Variants in TNK2 observed in about 807,000 individuals in gnomAD.
TNK2 encodes tyrosine kinase non receptor 2.
TNK2 carries 83 observed loss-of-function variants against 101.8 expected under a neutral mutation model. The observed-to-expected ratio is 0.82, with a 90% CI of 0.68 to 0.98. The LOEUF (loss-of-function observed/expected upper bound fraction) is 0.98, where lower values mean the gene tolerates loss of function less well. Ranked by LOEUF, TNK2 falls within the 50% of genes least tolerant of loss-of-function variation. TNK2 has a pLI of 0.00. For synonymous variants in TNK2, 804 were observed against 633.0 expected, an observed-to-expected ratio of 1.27 and a Z score of -4.06; for missense variants, 1,665 against 1,483.2, an observed-to-expected ratio of 1.12 and a Z score of -2.01.
In TNK2 at chr3:195,863,826, C is replaced by A. The variant is rs1050367422; in HGVS notation, c.*355G>T. 1 of 273,982 alleles carries A rather than the reference C, an allele frequency of 3.6e-6. No homozygotes were observed. Among genetic ancestry groups the A allele is most frequent in the Non-Finnish European group, 6.9e-6 (1 of 145,960 alleles). 17.0% of individuals were successfully genotyped at this position (273,982 alleles called of 1,614,324 possible). On this transcript the variant is annotated 3_prime_UTR_variant, in exon 16 of 16. Coordinates refer to ENST00000672887, the MANE Select transcript of TNK2 (RefSeq NM_001382273.1). ...GCCTGGTTTCCTCCCAGTCTGTCAC[C>A]CAGGGCAGGGCCTGGGGGTACTACT...
chr3:195,905,623 C>T (rs1161446642), intron 1 of TNK2, among the ~76,000 whole-genome samples: 1 of 151,708 alleles, frequency 6.6e-6, no homozygotes, highest in Non-Finnish European at 1.5e-5. Context: ...TCATACCTTG[C>T]ACCACGTAAC....
In TNK2 at chr3:195,863,957, C is replaced by T. The variant is rs1221016941; in HGVS notation, c.*224G>A. 1.9e-6 allele frequency: 1 copy of T among 540,260 alleles called. No homozygotes were observed. The highest frequency in any genetic ancestry group is 3.1e-5 in the Admixed American group (1 of 32,034). 33.5% of individuals were successfully genotyped at this position (540,260 alleles called of 1,614,324 possible). ...TCACCCGGCCCCTTCCACATCTTGG[C>T]AGGGGCACCGGGACTGAACCAAAGT... On this transcript the variant is annotated 3_prime_UTR_variant, in exon 16 of 16. Transcript: ENST00000672887.
chr3:195,901,367 AGAG>A (rs780105358), intron 1 of TNK2, among the ~76,000 whole-genome samples: 3 of 152,190 alleles, frequency 2.0e-5, no homozygotes, highest in Non-Finnish European at 4.4e-5. Flanking sequence ...TCAGGGTACC[AGAG>A]AAGAGGCCCT....
chr3:195,900,578 C>T (rs1560545597), intron 1 of TNK2, among the ~76,000 whole-genome samples: 1 of 152,196 alleles, frequency 6.6e-6, no homozygotes. Context: ...ACACTGAGGG[C>T]CCTAATGTGC....
In TNK2 at chr3:195,863,844, G is replaced by T; in HGVS notation, c.*337C>A. 1 of 327,466 alleles carries T rather than the reference G, an allele frequency of 3.1e-6. No homozygotes were observed. Among genetic ancestry groups the T allele is most frequent in the South Asian group, 9.0e-5 (1 of 11,102 alleles). 20.3% of individuals were successfully genotyped at this position (327,466 alleles called of 1,614,324 possible). ...CTGTCACCCAGGGCAGGGCCTGGGG[G>T]TACTACTCCACCCACAGGCCCCGCC... On this transcript the variant is annotated 3_prime_UTR_variant, in exon 16 of 16. Coordinates refer to ENST00000672887, the MANE Select transcript of TNK2 (RefSeq NM_001382273.1).
rs1393867699 is a variant in TNK2, at chr3:195,878,685, C to T, written c.1015-93G>A. Reference sequence around the variant, plus strand: ...TCCAGCCCATCCACAGCTGCAGCGGCTGCTGCCATGCCTGGCCTCCAAAGA... The same window carrying T: ...TCCAGCCCATCCACAGCTGCAGCGGTTGCTGCCATGCCTGGCCTCCAAAGA... On this transcript the variant is annotated intron_variant, in intron 7 of 15. Coordinates refer to ENST00000672887, the MANE Select transcript of TNK2 (RefSeq NM_001382273.1). The surrounding 1 kb of genome is among the most constrained non-coding windows in gnomAD (Gnocchi z 4.7). The T allele has an allele frequency of 4.6e-6, 7 of 1,509,778 alleles. No homozygotes were observed. The highest frequency in any genetic ancestry group is 5.3e-6 in the Non-Finnish European group (6 of 1,125,934). The allele number at this position is 1,509,778 out of a possible 1,614,324, so 93.5% of individuals were successfully genotyped here. A position where few individuals can be genotyped will look rare whatever the true frequency, so the allele number is the denominator to read the frequency against.
intron 1 of TNK2, among the ~76,000 whole-genome samples, chr3:195,890,270 G>T (rs533411116): frequency 1.3e-5 from 2 of 152,242 alleles, no homozygotes; most frequent in East Asian, 3.9e-4. Context: ...CATTTGGGGG[G>T]GCCTTAGTGA....
intron 1 of TNK2, among the ~76,000 whole-genome samples, chr3:195,890,010 G>T (rs973799014): frequency 6.6e-5 from 10 of 152,210 alleles, no homozygotes; most frequent in African/African-American, 2.4e-4. Flanking sequence ...TGAGCCTCCT[G>T]CCCCCACAGT....
At chr3:195,903,009 C>CA (rs35271355) in intron 1 of TNK2, among the ~76,000 whole-genome samples, 21,441 of 151,760 alleles carry the variant, frequency 0.14, 2,096 homozygotes, top group East Asian at 0.39. Flanking sequence ...CTCGGCCTCC[C>CA]AAAGTACTGG....
At chr3:195,902,061 G>A (rs1004138083) in intron 1 of TNK2, among the ~76,000 whole-genome samples, 5 of 152,176 alleles carry the variant, frequency 3.3e-5, no homozygotes, top group African/African-American at 1.2e-4. Flanking sequence ...AAAAAAGGAT[G>A]TTCTGAATGC....
chr3:195,892,115 G>T, intron 1 of TNK2: 1 of 634,358 alleles, frequency 1.6e-6, no homozygotes. Context: ...ACAGGGCATG[G>T]CTGCAGCTCC....
intron 15 of TNK2, 64 bp downstream of exon 15, chr3:195,866,825 T>C (rs1741192607): frequency 6.4e-7 from 1 of 1,567,668 alleles, no homozygotes; most frequent in South Asian, 1.2e-5. Context: ...TTCCTCCCAG[T>C]GTGGCAGGCT....
At chr3:195,895,561 CG>C (rs933361756) in intron 1 of TNK2, 2 of 1,322,768 alleles carry the variant, frequency 1.5e-6, no homozygotes, top group African/African-American at 3.1e-5. Context: ...TCCTCCTCTC[CG>C]GGGCGCGGCT....
At chr3:195,890,347 G>C (rs1313664379) in intron 1 of TNK2, among the ~76,000 whole-genome samples, 1 of 151,894 alleles carries the variant, frequency 6.6e-6, no homozygotes, top group African/African-American at 2.4e-5. Flanking sequence ...TTCTCGCACT[G>C]TCCCAAATCC....
At position 195,885,704 on chromosome 3, in the gene TNK2, A is replaced by C; in HGVS notation, c.235-671T>G. The C allele has an allele frequency of 1.4e-6, 1 of 697,910 alleles. No individual in the cohort carries two copies. The highest frequency in any genetic ancestry group is 2.1e-6 in the Non-Finnish European group (1 of 468,322). The allele number at this position is 697,910 out of a possible 1,614,324, so 43.2% of individuals were successfully genotyped here. A position where few individuals can be genotyped will look rare whatever the true frequency, so the allele number is the denominator to read the frequency against. On this transcript the variant is annotated intron_variant, in intron 3 of 15. Coordinates refer to ENST00000672887, the MANE Select transcript of TNK2 (RefSeq NM_001382273.1). The surrounding 1 kb of genome is among the most constrained non-coding windows in gnomAD (Gnocchi z 4.7). ...TGAGACGGAAGGAAAAGTGGAGGAG[A>C]CTCGGAGGCCAGGGTGGACAGGGAG...
At chr3:195,902,156 G>A (rs1447487709) in intron 1 of TNK2, among the ~76,000 whole-genome samples, 2 of 152,190 alleles carry the variant, frequency 1.3e-5, no homozygotes, top group Admixed American at 6.5e-5. Context: ...GCTGGTGGCA[G>A]TTGAGAGCTG....
At chr3:195,874,372 T>C (rs934825578) in intron 9 of TNK2, among the ~76,000 whole-genome samples, 2 of 152,212 alleles carry the variant, frequency 1.3e-5, no homozygotes, top group African/African-American at 2.4e-5. Flanking sequence ...CCTCCCTTAG[T>C]GCAGGTATGG....
chr3:195,891,341 G>C (rs2149728594), intron 1 of TNK2, among the ~76,000 whole-genome samples: 1 of 152,368 alleles, frequency 6.6e-6, no homozygotes, highest in South Asian at 2.1e-4. Flanking sequence ...GGGAGGCGGA[G>C]GCTGTGGTGA....
At chr3:195,869,765 C>T (rs13084875) in intron 11 of TNK2, 427,935 of 602,552 alleles carry the variant, frequency 0.71, 157,507 homozygotes, top group African/African-American at 0.84. Context: ...TGGAGGAGGC[C>T]CCAGGCAGAG....
Sources: allele counts gnomAD v4.1 joint callset (sites outside exome capture counted in the v4.1 genomes callset), GRCh38; gene constraint gnomAD v4.1.1; non-coding constraint Gnocchi (gnomAD v3.1); transcripts MANE v1.5; gene names NCBI Gene and HGNC (gene_info 2026-07-23, HGNC 2026-07-21).